SHROOM4: variants seen among roughly 807,000 people sequenced by gnomAD.
SHROOM4 encodes shroom family member 4, also known as protein Shroom4.
In SHROOM4, 17 loss-of-function variants were observed where a neutral mutation model predicts 80.3. That is an observed-to-expected ratio of 0.21 (90% CI 0.14 to 0.32). The LOEUF is 0.32. Among genes scored for constraint, SHROOM4 ranks in the 10% least tolerant of loss-of-function variants. The pLI, the probability that SHROOM4 is intolerant of heterozygous loss-of-function variation, is 1.00. For synonymous variants in SHROOM4, 400 were observed against 437.5 expected (o/e 0.91, Z 1.07); for missense variants, 993 against 1,140.3 (o/e 0.87, Z 1.86).
At chrX:50,708,690 C>T (rs1602451150) in intron 1 of SHROOM4, among the ~76,000 whole-genome samples, 1 of 112,091 alleles carries the variant, frequency 8.9e-6, no homozygotes, top group Non-Finnish European at 1.9e-5. Context: ...CCCAGGCTGC[C>T]TAAGCTGCTT....
chrX:50,772,854 CT>C (rs781783163), intron 1 of SHROOM4, among the ~76,000 whole-genome samples: 124 of 112,068 alleles, frequency 1.1e-3, no homozygotes, highest in Admixed American at 3.3e-3. Flanking sequence ...ATAAGGCAGA[CT>C]CCCTGCCTTC....
chrX:50,646,246 T>A (rs1280179658), intron 2 of SHROOM4, among the ~76,000 whole-genome samples: 1 of 111,781 alleles, frequency 8.9e-6, no homozygotes, highest in East Asian at 2.8e-4. Flanking sequence ...TTATTTTCTG[T>A]GGCTCTTCCA....
intron 1 of SHROOM4, among the ~76,000 whole-genome samples, chrX:50,766,284 C>T (rs1557269326): frequency 9.0e-6 from 1 of 110,929 alleles, no homozygotes; most frequent in Non-Finnish European, 1.9e-5. Context: ...TATTTAAATA[C>T]CTACATTATT....
rs782801634 is a variant in SHROOM4 at position 50,813,736 on chromosome X, T to C, written c.117+166A>G. Among the ~76,000 whole-genome samples, 101 of 111,619 alleles carry C rather than the reference T, an allele frequency of 9.0e-4. 1 individual carries two copies. The highest frequency in any genetic ancestry group is 3.2e-3 in the African/African-American group (100 of 30,773). ...GTGTTCCAGCCACCCTTAGGGGATG[T>C]CTGCACCTGGACTGGTGGCAAGACC... On this transcript the variant is annotated intron_variant, in intron 1 of 8. Coordinates refer to ENST00000376020, the MANE Select transcript of SHROOM4 (RefSeq NM_020717.5).
rs1928807284 is a variant in SHROOM4, at chrX:50,588,713, G to T, written c.*7982C>A. 8.9e-6 allele frequency among the ~76,000 whole-genome samples: 1 copy of T among 112,261 alleles called. No individual in the cohort carries two copies. The highest frequency in any genetic ancestry group is 1.9e-5 in the Non-Finnish European group (1 of 53,185). ...AAGATGCTTTACTTTTCCTTATATTGTTCTACTTCAATCTCACCTCAATAA... is the reference window on the plus strand; with the variant it reads ...AAGATGCTTTACTTTTCCTTATATTTTTCTACTTCAATCTCACCTCAATAA... On this transcript the variant is annotated 3_prime_UTR_variant, in exon 9 of 9. Coordinates refer to ENST00000376020, the MANE Select transcript of SHROOM4 (RefSeq NM_020717.5).
At chrX:50,624,969 T>C (rs1365328725) in intron 5 of SHROOM4, among the ~76,000 whole-genome samples, 1 of 111,694 alleles carries the variant, frequency 9.0e-6, no homozygotes, top group Non-Finnish European at 1.9e-5. Context: ...AGCAAATTAA[T>C]ACTATAATAG....
chrX:50,609,243 C>T (rs928558778), intron 5 of SHROOM4, among the ~76,000 whole-genome samples: 6 of 107,633 alleles, frequency 5.6e-5, no homozygotes, highest in Non-Finnish European at 1.1e-4. Flanking sequence ...GCTGGGGTGA[C>T]AGAGTAAGAC....
chrX:50,607,728 T>TCCTCC lies in SHROOM4; in HGVS notation c.3413_3414insGGAGG (p.Glu1141LysfsTer42). On this transcript the variant is annotated frameshift_variant, in exon 6 of 9. Transcript: ENST00000376020. LOFTEE classifies it high-confidence loss of function. ...CTTCCTCTTCCTCTTCTTCTTCTTC[T>TCCTCC]TCCTCCTCCTCCTCCTCCTCCTGTT... The TCCTCC allele has an allele frequency of 8.9e-7, 1 of 1,120,725 alleles. No individual in the cohort carries two copies. Among genetic ancestry groups the TCCTCC allele is most frequent in the Non-Finnish European group, 1.2e-6 (1 of 827,785 alleles). The allele number at this position is 1,120,725 out of a possible 1,213,427, so 92.4% of individuals were successfully genotyped here.
intron 2 of SHROOM4, among the ~76,000 whole-genome samples, chrX:50,674,845 G>C (rs1932835843): frequency 9.0e-6 from 1 of 111,693 alleles, no homozygotes; most frequent in Admixed American, 9.5e-5. Context: ...CTGTCTTCAA[G>C]GAAATCATAG....
intron 1 of SHROOM4, among the ~76,000 whole-genome samples, chrX:50,803,062 C>T (rs1216000770): frequency 2.7e-5 from 3 of 111,998 alleles, no homozygotes; most frequent in Admixed American, 9.4e-5. Flanking sequence ...TGGTGGCACA[C>T]GCCTGTAGTC....
At chrX:50,745,074 T>C (rs1934746075) in intron 1 of SHROOM4, among the ~76,000 whole-genome samples, 1 of 111,757 alleles carries the variant, frequency 8.9e-6, no homozygotes, top group South Asian at 3.8e-4. Context: ...AAATATCATA[T>C]CTCTGGTAGC....
chrX:50,620,046 TTGTC>T (rs1410748715), intron 5 of SHROOM4, among the ~76,000 whole-genome samples: 5 of 111,443 alleles, frequency 4.5e-5, no homozygotes, highest in African/African-American at 1.6e-4. Context: ...GTAAGTAACA[TTGTC>T]TGTCATTGGT....
chrX:50,650,815 C>A (rs782068688), intron 2 of SHROOM4, among the ~76,000 whole-genome samples: 4 of 112,132 alleles, frequency 3.6e-5, no homozygotes, highest in African/African-American at 1.3e-4. Context: ...TAGATTTTTC[C>A]CTCAGGGAAA....
chrX:50,640,584 T>C (rs1406987), intron 2 of SHROOM4, among the ~76,000 whole-genome samples: 57,709 of 110,166 alleles, frequency 0.52, 12,197 homozygotes, highest in Admixed American at 0.67. Flanking sequence ...GGTCATATCA[T>C]GTTAAACGCC....
rs782083257 is a variant in SHROOM4, at chrX:50,747,982, GT to G, written c.118-52046del. Among the ~76,000 whole-genome samples the G allele has an allele frequency of 5.4e-5, 6 of 111,630 alleles. No homozygotes were observed. The South Asian group carries it at 2.3e-3, about 42-fold the overall frequency. ...GTTAAATGAATTGAACGCAGATCTG[GT>G]GCCATCTAGTTCAACTATTCCATGC... is the stretch of plus-strand genomic sequence containing the variant. On this transcript the variant is annotated intron_variant, in intron 1 of 8. Coordinates refer to ENST00000376020, the MANE Select transcript of SHROOM4 (RefSeq NM_020717.5).
chrX:50,586,701 C>T (rs1232541255), downstream of SHROOM4, among the ~76,000 whole-genome samples: 1 of 112,011 alleles, frequency 8.9e-6, no homozygotes, highest in Non-Finnish European at 1.9e-5. Context: ...TCTGTCTAAA[C>T]TACTTTCAAA....
rs2147290534 is a variant in SHROOM4 at position 50,633,298 on chromosome X, C to A, written c.2775G>T (p.Arg925=). 8.3e-7 allele frequency: 1 copy of A among 1,210,869 alleles called. No individual in the cohort carries two copies. Among genetic ancestry groups the A allele is most frequent in the Non-Finnish European group, 1.1e-6 (1 of 895,297 alleles). The change falls in exon 4 of 9, where the codon CGG becomes CGT. Residue 925 remains arginine, a synonymous_variant. Coordinates refer to ENST00000376020, the MANE Select transcript of SHROOM4 (RefSeq NM_020717.5). Reference sequence around the variant, plus strand: ...ACCGAATGCATTGGTGGTGGTGGCACCGGCAGTTGTAGCAATTTGGCATCA... The same window carrying A: ...ACCGAATGCATTGGTGGTGGTGGCAACGGCAGTTGTAGCAATTTGGCATCA... ...RNMMPNCYNC[R]CHHHQCIRCS...
intron 1 of SHROOM4, among the ~76,000 whole-genome samples, chrX:50,733,035 T>A (rs1480626993): frequency 1.8e-5 from 2 of 112,269 alleles, no homozygotes; most frequent in Non-Finnish European, 3.8e-5. Context: ...GCAAACTGAA[T>A]GTAGCAACAT....
intron 1 of SHROOM4, among the ~76,000 whole-genome samples, chrX:50,773,901 T>A (rs374627070): frequency 5.0e-4 from 56 of 112,318 alleles, no homozygotes; most frequent in South Asian, 2.2e-3. Context: ...ATCGGTGAGA[T>A]AGATCAGAGG....
Sources: allele counts gnomAD v4.1 joint callset (sites outside exome capture counted in the v4.1 genomes callset), GRCh38; gene constraint gnomAD v4.1.1; transcripts MANE v1.5; gene names NCBI Gene and HGNC (gene_info 2026-07-23, HGNC 2026-07-21).